The following CBARP variants were observed in gnomAD, a reference collection of about 807,000 sequenced individuals.
CBARP encodes voltage-dependent calcium channel beta subunit-associated regulatory protein.
CBARP carries 24 observed loss-of-function variants against 36.3 expected under a neutral mutation model. The ratio of observed to expected loss-of-function variants is 0.66; its 90% confidence interval spans 0.48 to 0.93. The LOEUF (loss-of-function observed/expected upper bound fraction) is 0.93. Among genes scored for constraint, CBARP ranks in the 40% least tolerant of loss-of-function variants. The probability of loss-of-function intolerance (pLI) is 0.00; values close to 1 mark genes in which losing one functional copy is unlikely to be tolerated. For synonymous variants in CBARP, 586 were observed against 453.2 expected, an observed-to-expected ratio of 1.29 and a Z score of -3.72; for missense variants, 1,146 against 980.4, an observed-to-expected ratio of 1.17 and a Z score of -2.26.
In CBARP at chr19:1,235,765, TG is replaced by T. The variant is rs761505026; in HGVS notation, c.245+13del. 2.5e-6 allele frequency: 4 copies of T among 1,606,236 alleles called. No individual in the cohort carries two copies. Among genetic ancestry groups the T allele is most frequent in the Admixed American group, 1.7e-5 (1 of 59,978 alleles). ...CCACCATGCACCTGCCCAGCCGAGG[TG>T]GGGGCCTCGCACCTGTTGAGGCGCT... On this transcript the variant is annotated intron_variant, in intron 3 of 9. Coordinates refer to ENST00000650044, the MANE Select transcript of CBARP (RefSeq NM_001393918.1).
chr19:1,235,828 C>T lies in CBARP; in HGVS notation c.196G>A (p.Val66Ile), dbSNP rs370057519. 4.1e-5 allele frequency: 66 copies of T among 1,610,738 alleles called. 2 individuals are homozygous for T. The highest frequency in any genetic ancestry group is 1.7e-4 in the Admixed American group (10 of 59,996). Residue 66 changes from valine to isoleucine, a missense_variant, in exon 3 of 10, where the codon GTC (valine) becomes ATC (isoleucine). Transcript: ENST00000650044. ...CAGCAGCGCTTGCAGAGGAGCAGGA[C>T]GCCAGACAACACCACCAGCGTGCCC... ...VGGTLVVLSGVLLLCKRCWDV... is the reference protein window; with the variant it reads ...VGGTLVVLSGILLLCKRCWDV...
chr19:1,229,976 G>A lies in CBARP; in HGVS notation c.1321C>T (p.Arg441Cys), dbSNP rs1369616369. 2 of 1,219,532 alleles carry A rather than the reference G, an allele frequency of 1.6e-6. No individual in the cohort carries two copies. The highest frequency in any genetic ancestry group is 3.0e-5 in the Admixed American group (1 of 33,578). 75.5% of individuals were successfully genotyped at this position (1,219,532 alleles called of 1,614,324 possible). ...GCCGCATGCAGCTCAAGCGAGGCGCGCAGGCTCCACAGGTCGCGGTAGCTG... is the reference window on the plus strand; with the variant it reads ...GCCGCATGCAGCTCAAGCGAGGCGCACAGGCTCCACAGGTCGCGGTAGCTG... ...QTSYRDLWSLRASLELHAAAS... is the reference protein window; with the variant it reads ...QTSYRDLWSLCASLELHAAAS... The change falls in exon 10 of 10, where the codon CGC (arginine) becomes TGC (cysteine). Residue 441 changes from arginine (R) to cysteine (C), a missense_variant. Transcript: ENST00000650044. This position sits in a 1 kb window ranked among gnomAD's most constrained non-coding sequence, Gnocchi z 5.1.
Position 1,234,499 on chromosome 19 carries a change from C to T in CBARP, c.627+72G>A, listed in dbSNP as rs566704788. On this transcript the variant is annotated intron_variant, in intron 6 of 9. Transcript: ENST00000650044. ...CACCCAGAAAAAGAGTGGGTGAGGGCGTGGGGGTCCGGGAGTCCCCGGGGC... is the reference window on the plus strand; with the variant it reads ...CACCCAGAAAAAGAGTGGGTGAGGGTGTGGGGGTCCGGGAGTCCCCGGGGC... 2.0e-5 allele frequency: 29 copies of T among 1,485,806 alleles called. No individual in the cohort carries two copies. In the East Asian group the frequency reaches 2.9e-4, roughly 15 times the overall value. The allele number at this position is 1,485,806 out of a possible 1,614,324, so 92.0% of individuals were successfully genotyped here.
rs780254035 is a variant in CBARP at position 1,230,858 on chromosome 19, C to CG, written c.1154+242dup. ...CAAGCAGCAGTACCAGCGCCATCCTCGGGGGGCCCCTCCTCCCCACCCACC... is the reference window on the plus strand; with the variant it reads ...CAAGCAGCAGTACCAGCGCCATCCTCGGGGGGGCCCCTCCTCCCCACCCACC... On this transcript the variant is annotated intron_variant, in intron 9 of 9. Coordinates refer to ENST00000650044, the MANE Select transcript of CBARP (RefSeq NM_001393918.1). 231 of 1,497,608 alleles carry CG rather than the reference C, an allele frequency of 1.5e-4. 2 individuals carry two copies. Among genetic ancestry groups the CG allele is most frequent in the Non-Finnish European group, 2.0e-4 (222 of 1,127,564 alleles). The allele number at this position is 1,497,608 out of a possible 1,614,324, so 92.8% of individuals were successfully genotyped here.
chr19:1,230,483 G>A, intron 9 of CBARP: 3 of 1,003,722 alleles, frequency 3.0e-6, no homozygotes, highest in Non-Finnish European at 3.6e-6. Flanking sequence ...GCAGGGGATG[G>A]ACTGGACGCG....
rs910661043 is a variant in CBARP, at chr19:1,229,823, C to T, written c.1474G>A (p.Asp492Asn). Residue 492 changes from aspartate (D) to asparagine (N), a missense_variant, in exon 10 of 10, where the codon GAC becomes AAC. By Grantham distance (23) the Asp-to-Asn change is conservative (BLOSUM62 1). Coordinates refer to ENST00000650044, the MANE Select transcript of CBARP (RefSeq NM_001393918.1). This position sits in a 1 kb window ranked among gnomAD's most constrained non-coding sequence, Gnocchi z 5.1. ...PPSPPAPRPKDGEARRLLQMD... is the reference protein window; with the variant it reads ...PPSPPAPRPKNGEARRLLQMD... The stretch of plus-strand genomic sequence containing the variant: ...TGCAGCAGCCGGCGCGCCTCGCCGT[C>T]CTTGGGCCGCGGCGCGGGCGGGGAG... The T allele has an allele frequency of 1.6e-4, 153 of 985,384 alleles. No homozygotes were observed. The highest frequency in any genetic ancestry group is 1.8e-4 in the Non-Finnish European group (147 of 831,188). 61.0% of individuals were successfully genotyped at this position (985,384 alleles called of 1,614,324 possible). A position where few individuals can be genotyped will look rare whatever the true frequency, so the allele number is the denominator to read the frequency against.
At position 1,234,760 on chromosome 19, in the gene CBARP, C is replaced by T. The variant is rs752082048; in HGVS notation, c.456-18G>A. 3.9e-5 allele frequency: 62 copies of T among 1,607,526 alleles called. No individual in the cohort carries two copies. The highest frequency in any genetic ancestry group is 3.3e-4 in the Middle Eastern group (2 of 6,068). ...GTGTGTACCTGCGACAGCATCTGGC[C>T]ATCAGAGCCCGCCCACCTCCCATGC... On this transcript the variant is annotated intron_variant, in intron 5 of 9. Coordinates refer to ENST00000650044, the MANE Select transcript of CBARP (RefSeq NM_001393918.1).
At position 1,234,200 on chromosome 19, in the gene CBARP, T is replaced by A; in HGVS notation, c.759A>T (p.Glu253Asp). The A allele has an allele frequency of 1.3e-6, 2 of 1,521,752 alleles. No homozygotes were observed. Among genetic ancestry groups the A allele is most frequent in the Non-Finnish European group, 1.8e-6 (2 of 1,139,222 alleles). The allele number at this position is 1,521,752 out of a possible 1,614,324, so 94.3% of individuals were successfully genotyped here. ...ACGCAGGGGCCCTCACCGAGGTGCC[T>A]TCCCCAGAGTCGCTAGATGCCGAGG... ...ISPSASSDSG[E>D]GTSLDAGTRS... The change falls in exon 7 of 10, where the codon GAA becomes GAT. Residue 253 changes from glutamate to aspartate, a missense_variant. Transcript: ENST00000650044.
rs768998793 is a variant in CBARP, at chr19:1,235,098, C to G, written c.358G>C (p.Glu120Gln). The G allele has an allele frequency of 6.2e-7, 1 of 1,606,538 alleles. No individual in the cohort carries two copies. The highest frequency in any genetic ancestry group is 2.2e-5 in the East Asian group (1 of 44,612). Reference protein sequence around the residue: ...EDPECQDAETERFLSTSSTGR... With the variant: ...EDPECQDAETQRFLSTSSTGR... The stretch of plus-strand genomic sequence containing the variant: ...GTGGAGCTGGTGGACAGGAAGCGTT[C>G]GGTCTCCGCATCCTGGCACTCGGGG... Residue 120 changes from glutamate (E) to glutamine (Q), a missense_variant, in exon 5 of 10, where the codon GAA becomes CAA. By Grantham distance (29) the Glu-to-Gln change is conservative. Coordinates refer to ENST00000650044, the MANE Select transcript of CBARP (RefSeq NM_001393918.1).
intron 5 of CBARP, 90 bp from the exon 6 acceptor site, chr19:1,234,832 G>T (rs1473737100): frequency 1.4e-5 from 22 of 1,529,452 alleles, no homozygotes; most frequent in Non-Finnish European, 1.9e-5. Flanking sequence ...GCCGGCCTGG[G>T]CAGGGGCAGG....
intron 4 of CBARP, 69 bp downstream of exon 4, chr19:1,235,432 G>C: frequency 6.8e-7 from 1 of 1,461,180 alleles, no homozygotes; most frequent in Non-Finnish European, 9.2e-7. Context: ...CAGGCAGCCC[G>C]AGGGGGCGGC....
Position 1,236,011 on chromosome 19 carries a change from G to A in CBARP, c.90C>T (p.Ala30=). ...CTGCACCCACCGTGGGGCGTCCAGT[G>A]GCATTGTCCCACGACGTCGTCAGGG... ...TVALTTSWDN[A]TGRPTAEPDP... The change falls in exon 2 of 10, where the codon GCC becomes GCT. Residue 30 remains alanine (A), a synonymous_variant. Coordinates refer to ENST00000650044, the MANE Select transcript of CBARP (RefSeq NM_001393918.1). 6.4e-7 allele frequency: 1 copy of A among 1,550,518 alleles called. No homozygotes were observed. The highest frequency in any genetic ancestry group is 8.7e-7 in the Non-Finnish European group (1 of 1,146,882).
chr19:1,229,760 CGCCGCG>C lies in CBARP; in HGVS notation c.1531_1536del (p.Arg511_Gly512del). On this transcript the variant is annotated inframe_deletion, in exon 10 of 10. Coordinates refer to ENST00000650044, the MANE Select transcript of CBARP (RefSeq NM_001393918.1). The surrounding 1 kb of genome is among the most constrained non-coding windows in gnomAD (Gnocchi z 5.1). Reference sequence around the variant, plus strand: ...GCAGGTGGCTCGGTGTCGTCGCCTGCGCCGCGGCCCTCGATGCTGGCGTAGCCACTG... The same window carrying C: ...GCAGGTGGCTCGGTGTCGTCGCCTGCGCCCTCGATGCTGGCGTAGCCACTG... 2 of 1,008,378 alleles carry C rather than the reference CGCCGCG, an allele frequency of 2.0e-6. No individual in the cohort carries two copies. Among genetic ancestry groups the C allele is most frequent in the Non-Finnish European group, 2.4e-6 (2 of 839,638 alleles). 62.5% of individuals were successfully genotyped at this position (1,008,378 alleles called of 1,614,324 possible).
rs1382897803 is a variant in CBARP, at chr19:1,229,698, G to A, written c.1599C>T (p.Pro533=). The change falls in exon 10 of 10, where the codon CCC becomes CCT. Residue 533 remains proline, a synonymous_variant. Transcript: ENST00000650044. This position sits in a 1 kb window ranked among gnomAD's most constrained non-coding sequence, Gnocchi z 5.1. ...TGCTGTAGTCGCGGCGCGGGCGGCG[G>A]GGCCAGGCGCGCGGGCTGCGGGGCC... ...PARPRSPRAW[P]RRPRRDYSID... 2 of 1,025,874 alleles carry A rather than the reference G, an allele frequency of 1.9e-6. No homozygotes were observed. The highest frequency in any genetic ancestry group is 4.3e-4 in the Middle Eastern group (1 of 2,330). The allele number at this position is 1,025,874 out of a possible 1,614,324, so 63.5% of individuals were successfully genotyped here. A position where few individuals can be genotyped will look rare whatever the true frequency, so the allele number is the denominator to read the frequency against.
At chr19:1,230,281 A>C in intron 9 of CBARP, 139 bp from the exon 10 acceptor site, 1 of 991,386 alleles carries the variant, frequency 1.0e-6, no homozygotes, top group African/African-American at 1.7e-5. Context: ...GAGAGCTTTA[A>C]AATGAGCCAG....
chr19:1,234,903 C>T (rs552372325), intron 5 of CBARP, 98 bp downstream of exon 5: 2 of 1,512,470 alleles, frequency 1.3e-6, no homozygotes, highest in Admixed American at 3.9e-5. Flanking sequence ...GGAGCCTCTG[C>T]CTTGGTCCCT....
At chr19:1,236,852 G>C (rs989550288) in intron 1 of CBARP, among the ~76,000 whole-genome samples, 2 of 127,252 alleles carry the variant, frequency 1.6e-5, no homozygotes, top group Non-Finnish European at 3.4e-5. Flanking sequence ...GCGGCGGCCT[G>C]GGGGGGGGCG....
rs544550991 is a variant in CBARP, at chr19:1,229,260, C to T, written c.2037G>A (p.Pro679=). The change falls in exon 10 of 10, where the codon CCG becomes CCA. Residue 679 remains proline (P), a synonymous_variant. Coordinates refer to ENST00000650044, the MANE Select transcript of CBARP (RefSeq NM_001393918.1). This position sits in a 1 kb window ranked among gnomAD's most constrained non-coding sequence, Gnocchi z 5.1. ...LAAGLDERLF[P]PRLAEPVVAT... is the part of the protein sequence containing the mutation. Reference sequence around the variant, plus strand: ...CCACGACGGGCTCGGCGAGGCGCGGCGGAAAGAGTCTCTCGTCGAGGCCAG... The same window carrying T: ...CCACGACGGGCTCGGCGAGGCGCGGTGGAAAGAGTCTCTCGTCGAGGCCAG... The T allele has an allele frequency of 1.6e-6, 2 of 1,247,880 alleles. No homozygotes were observed. The highest frequency in any genetic ancestry group is 1.3e-5 in the South Asian group (1 of 76,842). The allele number at this position is 1,247,880 out of a possible 1,614,324, so 77.3% of individuals were successfully genotyped here.
chr19:1,235,445 G>A, intron 4 of CBARP, 56 bp downstream of exon 4: 2 of 1,501,574 alleles, frequency 1.3e-6, no homozygotes, highest in East Asian at 2.4e-5. Flanking sequence ...GGGGCGGCGG[G>A]TGGCCGAGGG....
Sources: gnomAD v4.1 joint callset for allele counts (sites outside exome capture counted in the v4.1 genomes callset) on GRCh38, gnomAD v4.1.1 for gene constraint, Gnocchi (gnomAD v3.1) non-coding constraint, MANE v1.5 for transcripts, NCBI Gene and HGNC (gene_info 2026-07-23, HGNC 2026-07-21) for gene names.